Variants in ATP6V0E1 observed in about 807,000 individuals in gnomAD.
ATP6V0E1 encodes the protein V-type proton ATPase subunit e 1.
ATP6V0E1 carries 4 observed loss-of-function variants against 11.6 expected under a neutral mutation model. The observed-to-expected ratio is 0.35, with a 90% CI of 0.17 to 0.79. The LOEUF (loss-of-function observed/expected upper bound fraction) is 0.79, where lower values mean the gene tolerates loss of function less well. ATP6V0E1 is among the 30% of genes least tolerant of loss of function. The probability of loss-of-function intolerance (pLI) is 0.54; values close to 1 mark genes in which losing one functional copy is unlikely to be tolerated. For missense variants in ATP6V0E1, 105 were observed against 100.0 expected (o/e 1.05, Z -0.21); for synonymous variants, 36 against 34.8 (o/e 1.04, Z -0.13).
chr5:173,026,280 G>A (rs1256484512), intron 3 of ATP6V0E1, among the ~76,000 whole-genome samples: 1 of 152,196 alleles, frequency 6.6e-6, no homozygotes, highest in Non-Finnish European at 1.5e-5. Context: ...ACAGGTGTGA[G>A]CCACTATGTC....
chr5:172,993,353 A>T (rs1323082856), intron 1 of ATP6V0E1, among the ~76,000 whole-genome samples: 1 of 151,660 alleles, frequency 6.6e-6, no homozygotes, highest in East Asian at 2.0e-4. Context: ...TACTAAAAAT[A>T]CAAAAATTAG....
intron 3 of ATP6V0E1, among the ~76,000 whole-genome samples, chr5:173,027,227 C>T (rs997068480): frequency 5.0e-5 from 7 of 141,338 alleles, no homozygotes; most frequent in Admixed American, 2.9e-4. Flanking sequence ...GTGGCTCACG[C>T]CTGTAATCCC....
At chr5:173,015,289 G>C (rs1756384354) in intron 2 of ATP6V0E1, among the ~76,000 whole-genome samples, 1 of 152,214 alleles carries the variant, frequency 6.6e-6, no homozygotes, top group African/African-American at 2.4e-5. Context: ...ATGTGAAATT[G>C]TGATATTGTG....
At chr5:173,031,570 G>C (rs1756654860) in intron 3 of ATP6V0E1, among the ~76,000 whole-genome samples, 1 of 151,778 alleles carries the variant, frequency 6.6e-6, no homozygotes, top group South Asian at 2.1e-4. Context: ...TGTAATCCCA[G>C]CACTTTGGGA....
chr5:172,989,964 T>G (rs891501306), intron 1 of ATP6V0E1, among the ~76,000 whole-genome samples: 38 of 152,144 alleles, frequency 2.5e-4, no homozygotes, highest in African/African-American at 8.9e-4. Context: ...GCCTCCAGCA[T>G]AGCTGGGACA....
chr5:173,009,601 A>T (rs1289174877), intron 2 of ATP6V0E1, among the ~76,000 whole-genome samples: 1 of 150,130 alleles, frequency 6.7e-6, no homozygotes, highest in Non-Finnish European at 1.5e-5. Context: ...AGTAGCTGGG[A>T]TTACAGGCGT....
intron 2 of ATP6V0E1, among the ~76,000 whole-genome samples, chr5:173,000,751 A>G (rs1478274462): frequency 6.8e-6 from 1 of 147,952 alleles, no homozygotes; most frequent in Non-Finnish European, 1.5e-5. Context: ...ACCAGGCTGG[A>G]GTGCAGTGGC....
intron 1 of ATP6V0E1, among the ~76,000 whole-genome samples, chr5:172,990,788 C>T (rs1755966919): frequency 6.6e-6 from 1 of 150,836 alleles, no homozygotes. Flanking sequence ...GATTGCGCCA[C>T]TGCACTCCAG....
intron 2 of ATP6V0E1, among the ~76,000 whole-genome samples, chr5:173,001,276 A>G (rs1324831695): frequency 6.6e-6 from 1 of 152,124 alleles, no homozygotes; most frequent in Non-Finnish European, 1.5e-5. Flanking sequence ...ACAAATCAAG[A>G]GCCAGAGAGG....
At chr5:173,022,854 A>G (rs1400285632) in intron 3 of ATP6V0E1, among the ~76,000 whole-genome samples, 2 of 151,746 alleles carry the variant, frequency 1.3e-5, no homozygotes, top group African/African-American at 4.8e-5. Context: ...GTTTTGGCTA[A>G]TTTTTAAAAT....
chr5:172,987,235 G>T, intron 1 of ATP6V0E1: 1 of 166,520 alleles, frequency 6.0e-6, no homozygotes, highest in South Asian at 1.5e-4. Flanking sequence ...GATCGATGGT[G>T]ACCCTTGATT....
chr5:173,001,938 G>C (rs1366850090), intron 2 of ATP6V0E1, among the ~76,000 whole-genome samples: 1 of 152,044 alleles, frequency 6.6e-6, no homozygotes, highest in Non-Finnish European at 1.5e-5. Context: ...GGCTAGTCTC[G>C]AACTCCTGCC....
intron 1 of ATP6V0E1, chr5:172,986,951 C>T: frequency 3.8e-6 from 1 of 264,008 alleles, no homozygotes; most frequent in Non-Finnish European, 7.5e-6. Flanking sequence ...CCATGCCCAG[C>T]TAATTTTTGT....
Position 173,034,464 on chromosome 5 carries a change from G to A in ATP6V0E1, c.*102G>A, listed in dbSNP as rs1017732708. 2.8e-6 allele frequency: 2 copies of A among 702,486 alleles called. No homozygotes were observed. The highest frequency in any genetic ancestry group is 5.2e-6 in the Non-Finnish European group (2 of 384,726). The allele number at this position is 702,486 out of a possible 1,614,324, so 43.5% of individuals were successfully genotyped here. A position where few individuals can be genotyped will look rare whatever the true frequency, so the allele number is the denominator to read the frequency against. ...CAAACCAGACCACTTTTCTTGACTT[G>A]CCTGTTTTGGCCATTAGCTGCCTTA... is the stretch of plus-strand genomic sequence containing the variant. On this transcript the variant is annotated 3_prime_UTR_variant, in exon 4 of 4. Transcript: ENST00000519374.
chr5:173,020,280 A>T lies in ATP6V0E1; in HGVS notation c.195A>T (p.Gly65=). 1 of 1,613,968 alleles carries T rather than the reference A, an allele frequency of 6.2e-7. No homozygotes were observed. Among genetic ancestry groups the T allele is most frequent in the Non-Finnish European group, 8.5e-7 (1 of 1,179,920 alleles). ...TGGCCCAACTCAACCCTCTCTTTGG[A>T]CCGCAATTGAAAAATGAAACCATCT... ...AILAQLNPLF[G]PQLKNETIWY... Residue 65 remains glycine, a synonymous_variant, in exon 3 of 4, where the codon GGA becomes GGT. Transcript: ENST00000519374.
intron 2 of ATP6V0E1, among the ~76,000 whole-genome samples, chr5:172,999,213 T>C (rs1756116612): frequency 6.6e-6 from 1 of 152,164 alleles, no homozygotes; most frequent in Non-Finnish European, 1.5e-5. Context: ...CCAAAATATT[T>C]TGTGACTTCC....
intron 3 of ATP6V0E1, 139 bp downstream of exon 3, chr5:173,020,506 T>C (rs1017141081): frequency 1.7e-6 from 1 of 600,986 alleles, no homozygotes; most frequent in Non-Finnish European, 3.0e-6. Flanking sequence ...AGAGCAGAAA[T>C]AAAATTGGAA....
chr5:173,004,837 TTTTG>T (rs1756206760), intron 2 of ATP6V0E1, among the ~76,000 whole-genome samples: 1 of 152,170 alleles, frequency 6.6e-6, no homozygotes, highest in Non-Finnish European at 1.5e-5. Flanking sequence ...CATGCCTTGT[TTTTG>T]TTTTTCTGTT....
At chr5:173,010,851 T>C (rs150367534) in intron 2 of ATP6V0E1, among the ~76,000 whole-genome samples, 2 of 152,312 alleles carry the variant, frequency 1.3e-5, no homozygotes, top group Non-Finnish European at 2.9e-5. Context: ...CCTGTTCTTA[T>C]ATCTGAATGT....
Sources: allele counts gnomAD v4.1 joint callset (sites outside exome capture counted in the v4.1 genomes callset), GRCh38; gene constraint gnomAD v4.1.1; transcripts MANE v1.5; gene names NCBI Gene and HGNC (gene_info 2026-07-23, HGNC 2026-07-21).